The following CSF1R variants were observed in gnomAD, a reference collection of about 807,000 sequenced individuals.
CSF1R encodes macrophage colony-stimulating factor 1 receptor.
In CSF1R, 40 loss-of-function variants were observed where a neutral mutation model predicts 110.0. The observed-to-expected ratio is 0.36, with a 90% CI of 0.28 to 0.47. The LOEUF (loss-of-function observed/expected upper bound fraction) is 0.47, where lower values mean the gene tolerates loss of function less well. Among genes scored for constraint, CSF1R ranks in the 20% least tolerant of loss-of-function variants. The probability of loss-of-function intolerance (pLI) is 0.99; values close to 1 mark genes in which losing one functional copy is unlikely to be tolerated. For missense variants in CSF1R, 1,052 were observed against 1,253.0 expected (o/e 0.84, Z 2.42); for synonymous variants, 523 against 503.4 (o/e 1.04, Z -0.52).
At chr5:150,064,432 G>A (rs1048705295) in intron 10 of CSF1R, among the ~76,000 whole-genome samples, 8 of 152,190 alleles carry the variant, frequency 5.3e-5, no homozygotes, top group African/African-American at 1.9e-4. Context: ...GCTCTGATTC[G>A]GAAGGGCGGA....
At chr5:150,111,933 A>G (rs1045823314) in intron 1 of CSF1R, among the ~76,000 whole-genome samples, 4 of 152,162 alleles carry the variant, frequency 2.6e-5, no homozygotes, top group Non-Finnish European at 4.4e-5. Context: ...TTATACTTTA[A>G]CCGGGCTCCC....
chr5:150,054,958 C>T (rs772743154), intron 19 of CSF1R: 17 of 387,382 alleles, frequency 4.4e-5, no homozygotes, highest in Admixed American at 8.0e-5. Context: ...CACATCACTG[C>T]GCTCCAGCCC....
chr5:150,067,355 G>A (rs977987652), intron 10 of CSF1R, among the ~76,000 whole-genome samples: 5 of 152,170 alleles, frequency 3.3e-5, no homozygotes, highest in Non-Finnish European at 5.9e-5. Context: ...CTCCTTCAGG[G>A]TTAAAAACCA....
At chr5:150,084,642 G>C (rs1758751451) in intron 1 of CSF1R, among the ~76,000 whole-genome samples, 1 of 151,574 alleles carries the variant, frequency 6.6e-6, no homozygotes, top group Admixed American at 6.6e-5. Flanking sequence ...TTAGTAGAGA[G>C]GGGGCTTCAC....
At chr5:150,056,399 A>C in intron 16 of CSF1R, 58 bp from the exon 17 acceptor site, 1 of 1,602,724 alleles carries the variant, frequency 6.2e-7, no homozygotes, top group Non-Finnish European at 8.5e-7. Context: ...GCCTGAGGTG[A>C]GGAGGATGGC....
At chr5:150,068,130 G>C (rs1757856340) in intron 10 of CSF1R, 85 bp downstream of exon 10, 2 of 1,015,876 alleles carry the variant, frequency 2.0e-6, no homozygotes, top group Non-Finnish European at 3.0e-6. Flanking sequence ...CTGAGGAGGA[G>C]GAAGGGTGAA....
intron 1 of CSF1R, among the ~76,000 whole-genome samples, chr5:150,093,207 T>C (rs1386883581): frequency 6.6e-6 from 1 of 152,140 alleles, no homozygotes; most frequent in African/African-American, 2.4e-5. Flanking sequence ...GCCTCCCAAG[T>C]AGCTGGGATT....
chr5:150,096,344 C>T (rs920124718), intron 1 of CSF1R, among the ~76,000 whole-genome samples: 3 of 152,064 alleles, frequency 2.0e-5, no homozygotes, highest in East Asian at 1.9e-4. Flanking sequence ...GAGCTGAGAT[C>T]GTGCCATTGC....
chr5:150,065,591 A>C (rs975682396), intron 10 of CSF1R, among the ~76,000 whole-genome samples: 1 of 152,234 alleles, frequency 6.6e-6, no homozygotes, highest in Non-Finnish European at 1.5e-5. Context: ...TGAAGGGGCA[A>C]GGCTCCGAAC....
At chr5:150,101,752 C>T (rs940743057) in intron 1 of CSF1R, among the ~76,000 whole-genome samples, 4 of 151,478 alleles carry the variant, frequency 2.6e-5, no homozygotes, top group South Asian at 4.2e-4. Context: ...CCCCCAAACC[C>T]TTATTCACCT....
chr5:150,054,200 T>A lies in CSF1R; in HGVS notation c.2788A>T (p.Ser930Cys), dbSNP rs1391201688. ...CTGCTGCCGCTGCCACCGCTTCTGCTGCTGCTCGGCAGATTGGTATAGTCC... is the reference window on the plus strand; with the variant it reads ...CTGCTGCCGCTGCCACCGCTTCTGCAGCTGCTCGGCAGATTGGTATAGTCC... The part of the protein sequence containing the change: ...ERDYTNLPSS[S>C]RSGGSGSSSS... Residue 930 changes from serine to cysteine, a missense_variant, in exon 21 of 21, where the codon AGC becomes TGC. Transcript: ENST00000675795. The A allele has an allele frequency of 2.5e-6, 4 of 1,611,678 alleles. No homozygotes were observed. In the African/African-American group the frequency reaches 4.0e-5, roughly 16 times the overall value.
At chr5:150,062,960 G>T (rs1385840576) in intron 10 of CSF1R, among the ~76,000 whole-genome samples, 3 of 152,118 alleles carry the variant, frequency 2.0e-5, no homozygotes, top group African/African-American at 7.2e-5. Flanking sequence ...AGGGAAGTGG[G>T]GGGCAGATTC....
At chr5:150,077,201 C>A (rs755358555) in intron 5 of CSF1R, 75 bp downstream of exon 5, 3 of 1,581,922 alleles carry the variant, frequency 1.9e-6, no homozygotes, top group South Asian at 2.2e-5. Context: ...CTGACATCAG[C>A]TTCCTCCTCA....
chr5:150,107,597 T>C (rs577070519), intron 1 of CSF1R, among the ~76,000 whole-genome samples: 1 of 152,358 alleles, frequency 6.6e-6, no homozygotes, highest in South Asian at 2.1e-4. Context: ...GTGGCAGAGC[T>C]GGGTTTTAAA....
rs1759100619 is a variant in CSF1R at position 150,093,189 on chromosome 5, A to C, written c.-180-6582T>G. Among the ~76,000 whole-genome samples the C allele has an allele frequency of 4.6e-5, 7 of 152,108 alleles. No individual in the cohort carries two copies. The South Asian group carries it at 1.0e-3, about 23-fold the overall frequency. On this transcript the variant is annotated intron_variant, in intron 1 of 21. Coordinates refer to the CSF1R transcript ENST00000286301. ...CACCTCCCAGGTTCAAGCGATTCTC[A>C]CGCATCAGCCTCCCAAGTAGCTGGG...
In CSF1R at chr5:150,070,063, C is replaced by G; in HGVS notation, c.1320G>C (p.Arg440Ser). The change falls in exon 9 of 21, where the codon AGG becomes AGC. Residue 440 changes from arginine (R) to serine (S), a missense_variant and splice_region_variant. Coordinates refer to ENST00000675795, the MANE Select transcript of CSF1R (RefSeq NM_001288705.3). ...CCTGCAGCACTTGGGCCTCATCACA[C>G]CTGGCAAAAGCAGAATGTGGCTCAG... ...TWLQCSGHTD[R>S]CDEAQVLQVW... 1 of 1,613,422 alleles carries G rather than the reference C, an allele frequency of 6.2e-7. No individual in the cohort carries two copies. The highest frequency in any genetic ancestry group is 1.3e-5 in the African/African-American group (1 of 75,020).
chr5:150,108,579 AAG>A (rs1561969921), intron 1 of CSF1R, among the ~76,000 whole-genome samples: 1 of 152,214 alleles, frequency 6.6e-6, no homozygotes, highest in African/African-American at 2.4e-5. Context: ...AAGAATGAAA[AAG>A]AAAAATTTTC....
upstream of CSF1R, chr5:150,086,666 T>G: frequency 8.1e-6 from 4 of 491,052 alleles, no homozygotes; most frequent in Non-Finnish European, 1.1e-5. Flanking sequence ...AAACAAAGCC[T>G]TGAACCCAAG....
chr5:150,061,551 T>C lies in CSF1R; in HGVS notation c.1798A>G (p.Thr600Ala). 1 of 1,588,070 alleles carries C rather than the reference T, an allele frequency of 6.3e-7. No individual in the cohort carries two copies. Among genetic ancestry groups the C allele is most frequent in the Non-Finnish European group, 8.6e-7 (1 of 1,163,200 alleles). The change falls in exon 12 of 21, where the codon ACG becomes GCG. Residue 600 changes from threonine to alanine, a missense_variant. Transcript: ENST00000675795. ...AGAFGKVVEA[T>A]AFGLGKEDAV... ...TCCTCCTTGCCCAGACCAAAGGCCG[T>C]GGCCTCCACCACCTTCCCAAAGGCT...
Sources: gnomAD v4.1 joint callset for allele counts (sites outside exome capture counted in the v4.1 genomes callset) on GRCh38, gnomAD v4.1.1 for gene constraint, MANE v1.5 for transcripts, NCBI Gene and HGNC (gene_info 2026-07-23, HGNC 2026-07-21) for gene names.